The following APOL5 variants were observed in gnomAD, a reference collection of about 807,000 sequenced individuals.
The protein encoded by APOL5 is apolipoprotein L, 5.
In APOL5, 29 loss-of-function variants were observed where a neutral mutation model predicts 35.5. The ratio of observed to expected loss-of-function variants is 0.82; its 90% confidence interval spans 0.61 to 1.11. The LOEUF is 1.11. APOL5 is among the 50% of genes most tolerant of loss of function. The probability of loss-of-function intolerance (pLI) is 0.00; values close to 1 mark genes in which losing one functional copy is unlikely to be tolerated. For synonymous variants in APOL5, 188 were observed against 200.2 expected (o/e 0.94, Z 0.51); for missense variants, 514 against 530.4 (o/e 0.97, Z 0.30).
chr22:35,726,035 C>G (rs965747717), intron 2 of APOL5, among the ~76,000 whole-genome samples, 176 bp from the exon 3 acceptor site: 12 of 152,146 alleles, frequency 7.9e-5, no homozygotes, highest in African/African-American at 2.9e-4. Context: ...GAAGAATGAA[C>G]GAGAACAGCT....
At position 35,728,916 on chromosome 22, in the gene APOL5, G is replaced by T. The variant is rs201960531; in HGVS notation, c.*6+12G>T. 1 of 1,571,578 alleles carries T rather than the reference G, an allele frequency of 6.4e-7. No homozygotes were observed. The highest frequency in any genetic ancestry group is 2.4e-5 in the East Asian group (1 of 41,550). On this transcript the variant is annotated intron_variant, in intron 4 of 4. Transcript: ENST00000249044. Reference sequence around the variant, plus strand: ...GACAATGAGAAGAGGTAAGTGGGACGCAAGGAAGCCAGGAGCTGTGGGAAC... The same window carrying T: ...GACAATGAGAAGAGGTAAGTGGGACTCAAGGAAGCCAGGAGCTGTGGGAAC...
the APOL5 span, among the ~76,000 whole-genome samples, chr22:35,710,879 C>T: frequency 6.6e-6 from 1 of 152,148 alleles, no homozygotes; most frequent in African/African-American, 2.4e-5. Flanking sequence ...GTCAGAACTT[C>T]CTTCTGGCCA....
intron 2 of APOL5, among the ~76,000 whole-genome samples, chr22:35,725,545 G>C (rs538392063): frequency 6.6e-6 from 1 of 151,864 alleles, no homozygotes; most frequent in African/African-American, 2.4e-5. Context: ...GAGCCACCGC[G>C]CCTGGCCAGG....
chr22:35,709,512 A>G, the APOL5 span, among the ~76,000 whole-genome samples: 3 of 152,236 alleles, frequency 2.0e-5, no homozygotes, highest in Non-Finnish European at 4.4e-5. Flanking sequence ...CCTTTGTTTT[A>G]TCTGAAATCT....
the APOL5 span, among the ~76,000 whole-genome samples, chr22:35,708,527 A>T: frequency 3.3e-5 from 5 of 152,294 alleles, no homozygotes; most frequent in South Asian, 1.0e-3. Context: ...CCAGGGAATG[A>T]TTTACACGGT....
In APOL5 at chr22:35,726,767, T is replaced by C; in HGVS notation, c.699T>C (p.Cys233=). 1 of 1,614,204 alleles carries C rather than the reference T, an allele frequency of 6.2e-7. No individual in the cohort carries two copies. Among genetic ancestry groups the C allele is most frequent in the South Asian group, 1.1e-5 (1 of 91,082 alleles). The change falls in exon 3 of 5, where the codon TGT becomes TGC. Residue 233 remains cysteine, a synonymous_variant. Coordinates refer to ENST00000249044, the MANE Select transcript of APOL5 (RefSeq NM_030642.1). ...IEAAGFCVNK[C]VKAIQGIKDL... ...CTGCTGGCTTTTGTGTTAATAAGTG[T>C]GTAAAAGCTATCCAGGGCATCAAGG...
chr22:35,713,075 G>A (rs1211766432), upstream of APOL5, among the ~76,000 whole-genome samples: 4 of 152,312 alleles, frequency 2.6e-5, no homozygotes, highest in African/African-American at 9.6e-5. Context: ...AACACCCATT[G>A]CCTTGAAGAG....
the APOL5 span, among the ~76,000 whole-genome samples, chr22:35,711,771 G>T: frequency 2.6e-5 from 4 of 151,712 alleles, no homozygotes; most frequent in East Asian, 7.7e-4. Context: ...TGTCTCCCAG[G>T]TTCAGGTGAT....
rs1927161164 is a variant in APOL5 at position 35,726,472 on chromosome 22, C to T, written c.404C>T (p.Thr135Ile). ...DQVDTTHELL[T>I]KTSLVASSSG... ...GTTGACACCACTCACGAGTTGCTTA[C>T]CAAGACCAGCCTGGTGGCCAGCTCT... Residue 135 changes from threonine to isoleucine, a missense_variant, in exon 3 of 5, where the codon ACC (threonine) becomes ATC (isoleucine). This residue lies in a region of APOL5 where 254 missense variants were observed against 254.7 expected (regional missense o/e 1.00). Transcript: ENST00000249044. 1.2e-6 allele frequency: 2 copies of T among 1,614,174 alleles called. No individual in the cohort carries two copies. The highest frequency in any genetic ancestry group is 8.5e-7 in the Non-Finnish European group (1 of 1,180,036).
At chr22:35,715,015 C>T (rs181194647), upstream of APOL5, among the ~76,000 whole-genome samples, 25 of 152,254 alleles carry the variant, frequency 1.6e-4, no homozygotes, top group African/African-American at 5.3e-4. Flanking sequence ...AGAAATTGAT[C>T]GATTATGAAA....
upstream of APOL5, among the ~76,000 whole-genome samples, chr22:35,715,407 GC>G (rs1409263785): frequency 2.6e-5 from 4 of 152,188 alleles, no homozygotes; most frequent in African/African-American, 9.6e-5. Flanking sequence ...ACTTTGAGAG[GC>G]TGAGGTGGCC....
At chr22:35,717,581 A>T (rs1926796053), upstream of APOL5, among the ~76,000 whole-genome samples, 1 of 151,234 alleles carries the variant, frequency 6.6e-6, no homozygotes, top group African/African-American at 2.4e-5. Context: ...CTCTACTAAA[A>T]ATACAAAAAT....
At chr22:35,715,542 A>G (rs1926718962), upstream of APOL5, among the ~76,000 whole-genome samples, 1 of 152,188 alleles carries the variant, frequency 6.6e-6, no homozygotes, top group South Asian at 2.1e-4. Flanking sequence ...GCTACTCGGG[A>G]GACTGAGGCA....
At chr22:35,728,589 C>T (rs1927258811) in intron 3 of APOL5, 134 bp from the exon 4 acceptor site, 1 of 1,014,070 alleles carries the variant, frequency 9.9e-7, no homozygotes, top group East Asian at 3.0e-5. Context: ...ACCCACTGCC[C>T]TGGGGCGGGA....
Position 35,726,904 on chromosome 22 carries a change from C to T in APOL5, c.836C>T (p.Ala279Val), listed in dbSNP as rs750856423. 5 of 1,614,020 alleles carry T rather than the reference C, an allele frequency of 3.1e-6. No homozygotes were observed. The East Asian group carries it at 1.1e-4, about 36-fold the overall frequency. ...PFWTARGVQR[A>V]FEGTTLAMTN... ...TGGACGGCTAGAGGGGTGCAGAGAG[C>T]CTTTGAGGGCACAACTCTGGCCATG... Residue 279 changes from alanine (A) to valine (V), a missense_variant, in exon 3 of 5, where the codon GCC becomes GTC. Ala to Val is a moderately conservative substitution (Grantham distance 64). Transcript: ENST00000249044.
upstream of APOL5, chr22:35,717,772 A>AGG: frequency 5.7e-6 from 4 of 697,244 alleles, no homozygotes; most frequent in Non-Finnish European, 6.2e-6. Flanking sequence ...AGAAAAGAAA[A>AGG]AAAAATAGGT....
chr22:35,726,343 A>G lies in APOL5; in HGVS notation c.275A>G (p.Asp92Gly). Reference protein sequence around the residue: ...LMRCDKDSMPDGNLSEEEKLF... With the variant: ...LMRCDKDSMPGGNLSEEEKLF... ...CGATGTGACAAAGATTCCATGCCAG[A>G]TGGAAATCTGTCAGAGGAGGAAAAA... The change falls in exon 3 of 5, where the codon GAT becomes GGT. Residue 92 changes from aspartate to glycine, a missense_variant. Physicochemically the swap from Asp to Gly is moderately conservative, Grantham distance 94. Coordinates refer to ENST00000249044, the MANE Select transcript of APOL5 (RefSeq NM_030642.1). The G allele has an allele frequency of 2.5e-6, 4 of 1,614,192 alleles. No individual in the cohort carries two copies. The highest frequency in any genetic ancestry group is 2.2e-5 in the South Asian group (2 of 91,084).
In APOL5 at chr22:35,718,402, G is replaced by A. The variant is rs560313168; in HGVS notation, c.55+476G>A. Among the ~76,000 whole-genome samples, 17 of 152,240 alleles carry A rather than the reference G, an allele frequency of 1.1e-4. No homozygotes were observed. In the East Asian group the frequency reaches 3.3e-3, roughly 29 times the overall value. On this transcript the variant is annotated intron_variant, in intron 1 of 4. Transcript: ENST00000249044. The stretch of plus-strand genomic sequence containing the variant: ...GGAGGCCAACATGGGCAGATCACTT[G>A]AGGCCAGGAGTTCAAGACCAGCCTG...
the APOL5 span, among the ~76,000 whole-genome samples, chr22:35,710,465 G>T: frequency 1.3e-5 from 2 of 151,018 alleles, no homozygotes; most frequent in South Asian, 4.2e-4. Flanking sequence ...ATACTTAAAT[G>T]CCTATAAATG....
Sources: allele counts gnomAD v4.1 joint callset (sites outside exome capture counted in the v4.1 genomes callset), GRCh38; gene constraint gnomAD v4.1.1; regional missense constraint gnomAD v4.1.1; transcripts MANE v1.5; gene names NCBI Gene and HGNC (gene_info 2026-07-23, HGNC 2026-07-21).